The following NCOA6 variants were observed in gnomAD, a reference collection of about 807,000 sequenced individuals.
The protein encoded by NCOA6 is NRC RAP250.
In NCOA6, 49 loss-of-function variants were observed where a neutral mutation model predicts 171.4. The observed-to-expected ratio is 0.29, with a 90% CI of 0.23 to 0.36. The LOEUF is 0.36. Among genes scored for constraint, NCOA6 ranks in the 10% least tolerant of loss-of-function variants. The pLI is 1.00. For synonymous variants in NCOA6, 910 were observed against 927.5 expected, an observed-to-expected ratio of 0.98 and a Z score of 0.34; for missense variants, 2,248 against 2,554.5, an observed-to-expected ratio of 0.88 and a Z score of 2.59.
rs2077316998 is a variant in NCOA6 at position 34,776,232 on chromosome 20, A to ACATGCTATATTCTACTG, written c.391+60_391+61insCAGTAGAATATAGCATG. 3.4e-5 allele frequency: 52 copies of ACATGCTATATTCTACTG among 1,548,156 alleles called. 1 individual carries two copies. The Admixed American group carries it at 1.0e-3, about 30-fold the overall frequency. On this transcript the variant is annotated intron_variant, in intron 4 of 14. Transcript: ENST00000359003. ...AACAGACAAAGCAGCACAGAAAATC[A>ACATGCTATATTCTACTG]TGCTATATTCTACTGTTGTAATGAT...
intron 8 of NCOA6, 67 bp downstream of exon 8, chr20:34,754,655 T>G: frequency 1.3e-6 from 2 of 1,585,794 alleles, no homozygotes; most frequent in South Asian, 2.2e-5. Flanking sequence ...TGTATACTCC[T>G]GTTGTCTATC....
chr20:34,821,822 C>T (rs1463535431), intron 1 of NCOA6, among the ~76,000 whole-genome samples: 2 of 152,086 alleles, frequency 1.3e-5, no homozygotes, highest in African/African-American at 2.4e-5. Flanking sequence ...CTCCTGACCT[C>T]GTGATCCGCC....
At chr20:34,752,612 T>C (rs1825769364) in intron 8 of NCOA6, among the ~76,000 whole-genome samples, 1 of 152,064 alleles carries the variant, frequency 6.6e-6, no homozygotes, top group Non-Finnish European at 1.5e-5. Flanking sequence ...CTACTTTAGA[T>C]AGGATAAATG....
chr20:34,727,156 T>C, intron 14 of NCOA6, 103 bp downstream of exon 14: 1 of 1,368,502 alleles, frequency 7.3e-7, no homozygotes. Flanking sequence ...TTGACAGACT[T>C]CAGGAACAGA....
intron 13 of NCOA6, among the ~76,000 whole-genome samples, chr20:34,728,157 C>G (rs1270420320): frequency 6.6e-6 from 1 of 152,008 alleles, no homozygotes; most frequent in Non-Finnish European, 1.5e-5. Context: ...GTATATAAAC[C>G]TAGGAAATTA....
chr20:34,794,153 G>T (rs973374336), intron 1 of NCOA6, among the ~76,000 whole-genome samples: 2 of 152,138 alleles, frequency 1.3e-5, no homozygotes, highest in African/African-American at 2.4e-5. Context: ...GGGTGTGCTG[G>T]CACACACCTG....
rs1457317320 is a variant in NCOA6 at position 34,741,296 on chromosome 20, G to A, written c.4960C>T (p.Gln1654Ter). 6.2e-7 allele frequency: 1 copy of A among 1,614,086 alleles called. No individual in the cohort carries two copies. The highest frequency in any genetic ancestry group is 1.3e-5 in the African/African-American group (1 of 74,924). The part of the protein sequence containing the change: ...QSAAQSNARP[Q>*]FITPVFINSS... ...TTGATAAAGACAGGTGTAATGAACT[G>A]AGGCCGGGCATTAGACTGAGCAGCT... The change falls in exon 11 of 15, where the codon CAG becomes TAG. Residue 1654 changes from glutamine to a stop codon, truncating the protein, a stop_gained. Transcript: ENST00000359003. LOFTEE classifies it high-confidence loss of function.
chr20:34,819,133 T>C (rs2078929674), intron 1 of NCOA6, among the ~76,000 whole-genome samples: 1 of 152,200 alleles, frequency 6.6e-6, no homozygotes, highest in Non-Finnish European at 1.5e-5. Context: ...TGTCAATTTC[T>C]GGCCATCCCC....
chr20:34,788,518 G>A (rs1029069062), intron 2 of NCOA6, among the ~76,000 whole-genome samples: 1 of 152,154 alleles, frequency 6.6e-6, no homozygotes, highest in Non-Finnish European at 1.5e-5. Flanking sequence ...TGGCACACTG[G>A]TGGATGTGTC....
In NCOA6 at chr20:34,801,798, G is replaced by A. The variant is rs544124513; in HGVS notation, c.-163-9235C>T. Among the ~76,000 whole-genome samples, 14 of 152,266 alleles carry A rather than the reference G, an allele frequency of 9.2e-5. No individual in the cohort carries two copies. The South Asian group carries it at 2.9e-3, about 32-fold the overall frequency. ...GAGAATCACTTGAACCCAGGAGGTGGAGGTTGCAATGAGCCGAGATTGCAT... is the reference window on the plus strand; with the variant it reads ...GAGAATCACTTGAACCCAGGAGGTGAAGGTTGCAATGAGCCGAGATTGCAT... On this transcript the variant is annotated intron_variant, in intron 1 of 14. Coordinates refer to ENST00000359003, the MANE Select transcript of NCOA6 (RefSeq NM_014071.5).
At chr20:34,803,351 C>A (rs919138942) in intron 1 of NCOA6, among the ~76,000 whole-genome samples, 13 of 151,544 alleles carry the variant, frequency 8.6e-5, no homozygotes, top group Admixed American at 8.6e-4. Flanking sequence ...ACCTGTAATC[C>A]CAGCTGCTCG....
chr20:34,754,577 A>T, intron 8 of NCOA6, 145 bp downstream of exon 8: 1 of 944,950 alleles, frequency 1.1e-6, no homozygotes, highest in Non-Finnish European at 1.5e-6. Flanking sequence ...GACAAAAGTT[A>T]CTGCCCTGAA....
chr20:34,762,970 G>C (rs2076862287), intron 5 of NCOA6, among the ~76,000 whole-genome samples: 1 of 152,136 alleles, frequency 6.6e-6, no homozygotes, highest in African/African-American at 2.4e-5. Flanking sequence ...TGCTGCTGTT[G>C]AGAAATCAAG....
intron 4 of NCOA6, among the ~76,000 whole-genome samples, chr20:34,772,648 A>G (rs2077186428): frequency 6.6e-6 from 1 of 151,068 alleles, no homozygotes; most frequent in Admixed American, 6.6e-5. Context: ...ATGCCTGGTT[A>G]AAGGTGCTGA....
At chr20:34,725,238 C>A (rs6060017) in intron 14 of NCOA6, among the ~76,000 whole-genome samples, 128,307 of 152,244 alleles carry the variant, frequency 0.84, 54,260 homozygotes, top group Admixed American at 0.91. Flanking sequence ...TACAGTAGTT[C>A]GCAAAATCAG....
chr20:34,726,875 A>G (rs1990015521), intron 14 of NCOA6, among the ~76,000 whole-genome samples: 1 of 152,112 alleles, frequency 6.6e-6, no homozygotes, highest in African/African-American at 2.4e-5. Flanking sequence ...GAATTACTTG[A>G]GCCCAGGAAT....
At chr20:34,750,597 C>A in intron 8 of NCOA6, 78 bp from the exon 9 acceptor site, 1 of 1,389,808 alleles carries the variant, frequency 7.2e-7, no homozygotes, top group Non-Finnish European at 9.5e-7. Flanking sequence ...AGTTACATTA[C>A]TCAGAAAGAC....
intron 14 of NCOA6, among the ~76,000 whole-genome samples, chr20:34,720,144 C>T (rs769906885): frequency 6.6e-6 from 1 of 152,090 alleles, no homozygotes; most frequent in African/African-American, 2.4e-5. Flanking sequence ...TACCTTTTTC[C>T]CAGTTGAAAA....
chr20:34,771,001 A>G (rs147335090), intron 4 of NCOA6, among the ~76,000 whole-genome samples: 141 of 152,356 alleles, frequency 9.3e-4, no homozygotes, highest in African/African-American at 3.2e-3. Context: ...CAGAAATATA[A>G]TATGAGCCAC....
Sources: allele counts gnomAD v4.1 joint callset (sites outside exome capture counted in the v4.1 genomes callset), GRCh38; gene constraint gnomAD v4.1.1; transcripts MANE v1.5; gene names NCBI Gene and HGNC (gene_info 2026-07-23, HGNC 2026-07-21).